SDC2: variants seen among roughly 807,000 people sequenced by gnomAD.
The protein encoded by SDC2 is syndecan 2, also known as syndecan-2.
A neutral mutation model predicts 22.2 loss-of-function variants in SDC2; 13 were observed. That is an observed-to-expected ratio of 0.59 (90% confidence interval 0.38 to 0.93). The LOEUF is 0.93. SDC2 is among the 40% of genes least tolerant of loss of function. The pLI, the probability that SDC2 is intolerant of heterozygous loss-of-function variation, is 0.00. For synonymous variants in SDC2, 94 were observed against 92.8 expected, an observed-to-expected ratio of 1.01 and a Z score of -0.07; for missense variants, 235 against 246.8, an observed-to-expected ratio of 0.95 and a Z score of 0.32.
At chr8:96,567,089 A>G (rs1586303932) in intron 1 of SDC2, among the ~76,000 whole-genome samples, 1 of 152,332 alleles carries the variant, frequency 6.6e-6, no homozygotes, top group Admixed American at 6.5e-5. Flanking sequence ...CCTCACCTCA[A>G]GTGATCCACC....
At chr8:96,592,921 T>C (rs1446677586) in intron 1 of SDC2, among the ~76,000 whole-genome samples, 2 of 152,132 alleles carry the variant, frequency 1.3e-5, no homozygotes, top group South Asian at 2.1e-4. Context: ...TGGGCTGGGG[T>C]AGAAAGGCCT....
At chr8:96,525,765 A>G (rs1312894513) in intron 1 of SDC2, among the ~76,000 whole-genome samples, 1 of 152,164 alleles carries the variant, frequency 6.6e-6, no homozygotes, top group Non-Finnish European at 1.5e-5. Context: ...TGGAAAAAAT[A>G]CTGCTTGGGT....
intron 1 of SDC2, among the ~76,000 whole-genome samples, chr8:96,508,220 C>T (rs960714136): frequency 6.6e-5 from 10 of 151,622 alleles, no homozygotes; most frequent in African/African-American, 2.2e-4. Context: ...GGCATGAACC[C>T]GGGAGGCGGA....
chr8:96,551,818 GTCT>G (rs1237659698), intron 1 of SDC2, among the ~76,000 whole-genome samples: 5 of 152,194 alleles, frequency 3.3e-5, no homozygotes, highest in Admixed American at 2.6e-4. Context: ...TGGGTACCAA[GTCT>G]TCTTGTTCCC....
intron 1 of SDC2, among the ~76,000 whole-genome samples, chr8:96,503,035 G>A (rs538731328): frequency 3.9e-5 from 6 of 152,286 alleles, no homozygotes; most frequent in South Asian, 2.1e-4. Flanking sequence ...CTAGTTCTAC[G>A]CTGAGATATT....
intron 1 of SDC2, among the ~76,000 whole-genome samples, chr8:96,520,346 C>T (rs758627657): frequency 1.2e-4 from 18 of 152,094 alleles, no homozygotes; most frequent in Non-Finnish European, 2.1e-4. Flanking sequence ...TAGAAATTAG[C>T]GTGAGATCTA....
At chr8:96,565,638 G>A (rs1814288107) in intron 1 of SDC2, among the ~76,000 whole-genome samples, 1 of 152,166 alleles carries the variant, frequency 6.6e-6, no homozygotes, top group African/African-American at 2.4e-5. Flanking sequence ...TACTGAATGT[G>A]TGGCCTTTAT....
At chr8:96,518,165 T>C (rs1335344725) in intron 1 of SDC2, among the ~76,000 whole-genome samples, 1 of 152,114 alleles carries the variant, frequency 6.6e-6, no homozygotes, top group Non-Finnish European at 1.5e-5. Flanking sequence ...CTTAAGCAGC[T>C]GATTTTTCGA....
intron 1 of SDC2, among the ~76,000 whole-genome samples, chr8:96,526,497 ATGTC>A (rs1813580792): frequency 6.6e-6 from 1 of 152,168 alleles, no homozygotes; most frequent in African/African-American, 2.4e-5. Context: ...AGTGGATCAA[ATGTC>A]TGCCTATTTT....
intron 1 of SDC2, among the ~76,000 whole-genome samples, chr8:96,519,843 G>T (rs962323931): frequency 6.6e-6 from 1 of 152,014 alleles, no homozygotes; most frequent in Non-Finnish European, 1.5e-5. Context: ...GGCCAAGCTG[G>T]TCTTGAACTC....
intron 1 of SDC2, among the ~76,000 whole-genome samples, chr8:96,549,684 G>T (rs1040796450): frequency 2.0e-5 from 3 of 152,158 alleles, no homozygotes; most frequent in Non-Finnish European, 4.4e-5. Context: ...CTTCATATCA[G>T]TTTCTCTTCG....
intron 1 of SDC2, among the ~76,000 whole-genome samples, chr8:96,527,412 A>G (rs1330447092): frequency 6.6e-6 from 1 of 152,132 alleles, no homozygotes; most frequent in African/African-American, 2.4e-5. Context: ...ACACTGATCT[A>G]GCTTCCACTT....
intron 1 of SDC2, among the ~76,000 whole-genome samples, chr8:96,510,626 C>T (rs964621843): frequency 1.8e-4 from 27 of 152,292 alleles, no homozygotes; most frequent in East Asian, 1.5e-3. Flanking sequence ...CATTACAATG[C>T]TGACCCTACT....
chr8:96,544,636 C>G (rs1361402106), intron 1 of SDC2, among the ~76,000 whole-genome samples: 2 of 152,138 alleles, frequency 1.3e-5, no homozygotes, highest in Non-Finnish European at 2.9e-5. Context: ...TTGTGGTGAG[C>G]TTCTCAAGGG....
Position 96,544,307 on chromosome 8 carries a change from A to T in SDC2, c.61-49173A>T, listed in dbSNP as rs1813897951. Among the ~76,000 whole-genome samples the T allele has an allele frequency of 3.3e-5, 5 of 152,184 alleles. No individual in the cohort carries two copies. The South Asian group carries it at 1.0e-3, about 32-fold the overall frequency. On this transcript the variant is annotated intron_variant, in intron 1 of 4. Coordinates refer to ENST00000302190, the MANE Select transcript of SDC2 (RefSeq NM_002998.4). ...TACCTTGATGGTGGTCTCAGTTCAA[A>T]CATCCTTTTGACAACTCTGCCTCAG...
intron 2 of SDC2, among the ~76,000 whole-genome samples, chr8:96,602,076 G>T (rs960232091): frequency 4.6e-5 from 7 of 152,122 alleles, no homozygotes; most frequent in African/African-American, 1.7e-4. Context: ...TCTTAAAATG[G>T]AAATGGAGCA....
At chr8:96,607,646 T>C (rs1350069677) in intron 3 of SDC2, among the ~76,000 whole-genome samples, 1 of 152,108 alleles carries the variant, frequency 6.6e-6, no homozygotes, top group African/African-American at 2.4e-5. Context: ...TGAGAGGTAT[T>C]CCCATAGATT....
rs562766872 is a variant in SDC2, at chr8:96,495,013, G to A, written c.60+682G>A. Among the ~76,000 whole-genome samples, 3 of 152,364 alleles carry A rather than the reference G, an allele frequency of 2.0e-5. No homozygotes were observed. The South Asian group carries it at 6.2e-4, about 32-fold the overall frequency. On this transcript the variant is annotated intron_variant, in intron 1 of 4. Transcript: ENST00000302190. ...GAAAATGCTGGGACGCCGGCCACTG[G>A]ATTCCCAGTCCTGCGGCGACCCCCT...
intron 1 of SDC2, chr8:96,580,544 C>T (rs967746242): frequency 2.0e-6 from 2 of 984,190 alleles, no homozygotes; most frequent in African/African-American, 3.5e-5. Flanking sequence ...AAACTCCACT[C>T]TGTGGGCAGA....
Sources: gnomAD v4.1 joint callset for allele counts (sites outside exome capture counted in the v4.1 genomes callset) on GRCh38, gnomAD v4.1.1 for gene constraint, MANE v1.5 for transcripts, NCBI Gene and HGNC (gene_info 2026-07-23, HGNC 2026-07-21) for gene names.